The following KDM3B variants were observed in gnomAD, a reference collection of about 807,000 sequenced individuals.
The protein encoded by KDM3B is lysine-specific demethylase 3B.
A neutral mutation model predicts 170.0 loss-of-function variants in KDM3B; 10 were observed. The observed-to-expected ratio is 0.06, with a 90% CI of 0.04 to 0.10. The LOEUF is 0.10. Ranked by LOEUF, KDM3B falls within the 10% of genes least tolerant of loss-of-function variation. The probability of loss-of-function intolerance (pLI) is 1.00; values close to 1 mark genes in which losing one functional copy is unlikely to be tolerated. For synonymous variants in KDM3B, 831 were observed against 834.8 expected, an observed-to-expected ratio of 1.00 and a Z score of 0.08; for missense variants, 1,394 against 2,195.2, an observed-to-expected ratio of 0.64 and a Z score of 7.29.
intron 15 of KDM3B, among the ~76,000 whole-genome samples, chr5:138,422,880 C>T (rs1182219592): frequency 6.6e-6 from 1 of 152,114 alleles, no homozygotes; most frequent in South Asian, 2.1e-4. Flanking sequence ...ATGGCTGAAA[C>T]GTGATGAACT....
At chr5:138,363,789 G>A (rs888161107) in intron 1 of KDM3B, among the ~76,000 whole-genome samples, 6 of 152,124 alleles carry the variant, frequency 3.9e-5, no homozygotes, top group African/African-American at 1.2e-4. Flanking sequence ...CTGGTGATCC[G>A]CCTGCTTTGG....
At chr5:138,414,970 T>TA (rs1347595442) in intron 11 of KDM3B, among the ~76,000 whole-genome samples, 162 bp from the exon 12 acceptor site, 2 of 152,078 alleles carry the variant, frequency 1.3e-5, no homozygotes, top group East Asian at 3.9e-4. Flanking sequence ...AATAAATAAA[T>TA]AAATAAAATC....
intron 23 of KDM3B, among the ~76,000 whole-genome samples, chr5:138,434,912 A>G (rs1156595309): frequency 1.3e-5 from 2 of 152,204 alleles, no homozygotes; most frequent in Non-Finnish European, 2.9e-5. Flanking sequence ...TATAGCACAC[A>G]TACATATACA....
intron 1 of KDM3B, among the ~76,000 whole-genome samples, chr5:138,353,857 G>C (rs1206797998): frequency 6.6e-6 from 1 of 152,152 alleles, no homozygotes; most frequent in Non-Finnish European, 1.5e-5. Context: ...CGTTAATGTG[G>C]CGGTAAAATA....
rs1762597695 is a variant in KDM3B, at chr5:138,398,350, G to A, written c.3004G>A (p.Val1002Ile). Reference sequence around the variant, plus strand: ...TGTTGGGGACCAGTTCTGCCAGCTCGTAATGTCTGAGAAGGAGGCCATGAT... The same window carrying A: ...TGTTGGGGACCAGTTCTGCCAGCTCATAATGTCTGAGAAGGAGGCCATGAT... ...ANVGDQFCQLVMSEKEAMMMV... is the reference protein window; with the variant it reads ...ANVGDQFCQLIMSEKEAMMMV... Residue 1002 changes from valine to isoleucine, a missense_variant, in exon 10 of 24, where the codon GTA becomes ATA. By Grantham distance (29) the Val-to-Ile change is conservative. Transcript: ENST00000314358. The A allele has an allele frequency of 1.9e-6, 3 of 1,614,108 alleles. No individual in the cohort carries two copies. The highest frequency in any genetic ancestry group is 2.5e-6 in the Non-Finnish European group (3 of 1,179,988).
intron 11 of KDM3B, among the ~76,000 whole-genome samples, chr5:138,410,659 C>G (rs1762942184): frequency 1.3e-5 from 2 of 151,760 alleles, no homozygotes; most frequent in Non-Finnish European, 2.9e-5. Flanking sequence ...GTAGTGGCCC[C>G]GAATGTCTGG....
Position 138,389,762 on chromosome 5 carries a change from T to TTC in KDM3B, c.1381-1231_1381-1230dup, listed in dbSNP as rs368227371. Among the ~76,000 whole-genome samples, 97 of 138,956 alleles carry TTC rather than the reference T, an allele frequency of 7.0e-4. 1 individual carries two copies. The highest frequency in any genetic ancestry group is 3.5e-3 in the Middle Eastern group (1 of 286). The allele number at this position is 138,956 out of a possible 152,430, so 91.2% of individuals were successfully genotyped here. A position where few individuals can be genotyped will look rare whatever the true frequency, so the allele number is the denominator to read the frequency against. Reference sequence around the variant, plus strand: ...GGGCTCATACCTACCTATGGGTCTCTTCTCTCTCTCTCTCTCTCTCTGTGT... The same window carrying TTC: ...GGGCTCATACCTACCTATGGGTCTCTTCTCTCTCTCTCTCTCTCTCTCTGTGT... On this transcript the variant is annotated intron_variant, in intron 7 of 23. Coordinates refer to ENST00000314358, the MANE Select transcript of KDM3B (RefSeq NM_016604.4).
intron 11 of KDM3B, among the ~76,000 whole-genome samples, chr5:138,401,363 G>A (rs1428889697): frequency 6.6e-6 from 1 of 151,448 alleles, no homozygotes; most frequent in Non-Finnish European, 1.5e-5. Flanking sequence ...TCCAAGGCTT[G>A]CTTTACACTT....
Position 138,379,586 on chromosome 5 carries a change from C to T in KDM3B, c.583C>T (p.Pro195Ser), listed in dbSNP as rs1255839456. The part of the protein sequence containing the change: ...QKLQEIFSRG[P>S]YSVQGHRVKI... Reference sequence around the variant, plus strand: ...ATACTGACTGATCTCCCTTTTAGGTCCCTACAGTGTTCAAGGTCACAGGGT... The same window carrying T: ...ATACTGACTGATCTCCCTTTTAGGTTCCTACAGTGTTCAAGGTCACAGGGT... Residue 195 changes from proline (P) to serine (S), a missense_variant and splice_region_variant, in exon 5 of 24, where the codon CCC becomes TCC. Transcript: ENST00000314358. 6.2e-7 allele frequency: 1 copy of T among 1,611,852 alleles called. No homozygotes were observed. Among genetic ancestry groups the T allele is most frequent in the South Asian group, 1.1e-5 (1 of 90,594 alleles).
At position 138,386,270 on chromosome 5, in the gene KDM3B, G is replaced by A. The variant is rs376501100; in HGVS notation, c.1029G>A (p.Pro343=). Reference sequence around the variant, plus strand: ...TGGATCAGAGAGCCAAGCAGCCACCGTCTACATTTGTCCCCCAGATAAACC... The same window carrying A: ...TGGATCAGAGAGCCAAGCAGCCACCATCTACATTTGTCCCCCAGATAAACC... ...PGLDQRAKQP[P]STFVPQINRN... The change falls in exon 7 of 24, where the codon CCG becomes CCA. Residue 343 remains proline (P), a synonymous_variant. Coordinates refer to ENST00000314358, the MANE Select transcript of KDM3B (RefSeq NM_016604.4). The A allele has an allele frequency of 1.2e-5, 20 of 1,614,146 alleles. No homozygotes were observed. Among genetic ancestry groups the A allele is most frequent in the African/African-American group, 4.0e-5 (3 of 75,028 alleles).
intron 16 of KDM3B, among the ~76,000 whole-genome samples, chr5:138,424,879 G>T (rs535288233): frequency 6.6e-6 from 1 of 152,294 alleles, no homozygotes; most frequent in East Asian, 1.9e-4. Context: ...TTCTTAAAAA[G>T]GCAGTTGAAA....
intron 11 of KDM3B, among the ~76,000 whole-genome samples, chr5:138,411,295 G>A (rs968092653): frequency 5.3e-5 from 8 of 152,094 alleles, no homozygotes; most frequent in African/African-American, 1.4e-4. Flanking sequence ...TCCTATCTCT[G>A]TATGGCCTGG....
chr5:138,397,934 A>G, intron 9 of KDM3B: 1 of 390,802 alleles, frequency 2.6e-6, no homozygotes, highest in East Asian at 4.6e-5. Context: ...GTGCAGGTGT[A>G]GAACAGGTGA....
chr5:138,369,787 A>G (rs957790595), intron 1 of KDM3B, among the ~76,000 whole-genome samples: 2 of 152,196 alleles, frequency 1.3e-5, no homozygotes, highest in African/African-American at 2.4e-5. Flanking sequence ...GTGACATACT[A>G]TTGCCCAAAT....
chr5:138,398,483 A>G, intron 10 of KDM3B, 91 bp downstream of exon 10: 5 of 1,122,366 alleles, frequency 4.5e-6, no homozygotes, highest in Non-Finnish European at 6.6e-6. Flanking sequence ...ACAGTGGCAG[A>G]TGGCATTTTC....
At chr5:138,407,227 C>T (rs1762846904) in intron 11 of KDM3B, among the ~76,000 whole-genome samples, 1 of 152,040 alleles carries the variant, frequency 6.6e-6, no homozygotes, top group Non-Finnish European at 1.5e-5. Context: ...CTCAGGTGAC[C>T]TGCCTGCCTC....
chr5:138,358,583 G>A (rs1233526004), intron 1 of KDM3B, among the ~76,000 whole-genome samples: 1 of 149,090 alleles, frequency 6.7e-6, no homozygotes, highest in Non-Finnish European at 1.5e-5. Flanking sequence ...TGGGATTACA[G>A]TCATGAGCCA....
At chr5:138,367,966 T>G (rs948880498) in intron 1 of KDM3B, among the ~76,000 whole-genome samples, 3 of 151,144 alleles carry the variant, frequency 2.0e-5, no homozygotes, top group African/African-American at 7.3e-5. Flanking sequence ...TGAGCCGAGA[T>G]CGCACCACTG....
Position 138,419,190 on chromosome 5 carries a change from T to C in KDM3B, c.3673T>C (p.Leu1225=). 1.2e-6 allele frequency: 2 copies of C among 1,614,146 alleles called. No individual in the cohort carries two copies. The highest frequency in any genetic ancestry group is 1.7e-5 in the Admixed American group (1 of 60,010). The change falls in exon 14 of 24, where the codon TTG becomes CTG. Residue 1225 remains leucine, a synonymous_variant. Coordinates refer to ENST00000314358, the MANE Select transcript of KDM3B (RefSeq NM_016604.4). ...TAPPSSALHW[L]ADLATQKAKE... Reference sequence around the variant, plus strand: ...CCCACCCTCCTCCGCCCTGCACTGGTTGGCAGATTTAGCAACTCAGAAGGC... The same window carrying C: ...CCCACCCTCCTCCGCCCTGCACTGGCTGGCAGATTTAGCAACTCAGAAGGC...
Sources: gnomAD v4.1 joint callset for allele counts (sites outside exome capture counted in the v4.1 genomes callset) on GRCh38, gnomAD v4.1.1 for gene constraint, MANE v1.5 for transcripts, NCBI Gene and HGNC (gene_info 2026-07-23, HGNC 2026-07-21) for gene names.